ATXN7L1: variants seen among roughly 807,000 people sequenced by gnomAD.
The protein encoded by ATXN7L1 is ataxin-7-like protein 1.
ATXN7L1 carries 15 observed loss-of-function variants against 70.8 expected under a neutral mutation model. The observed-to-expected ratio is 0.21, with a 90% CI of 0.14 to 0.33. The LOEUF is 0.33. Ranked by LOEUF, ATXN7L1 falls within the 10% of genes least tolerant of loss-of-function variation. The pLI is 1.00. For synonymous variants in ATXN7L1, 440 were observed against 445.1 expected (o/e 0.99, Z 0.14); for missense variants, 975 against 1,097.1 (o/e 0.89, Z 1.57).
At chr7:105,820,093 C>T (rs1480861894) in intron 2 of ATXN7L1, 3 of 314,498 alleles carry the variant, frequency 9.5e-6, no homozygotes, top group Non-Finnish European at 1.2e-5. Context: ...CCATGGACTC[C>T]TGATCTGAGC....
At chr7:105,732,428 A>T (rs1271379636) in intron 3 of ATXN7L1, among the ~76,000 whole-genome samples, 2 of 152,190 alleles carry the variant, frequency 1.3e-5, no homozygotes, top group African/African-American at 4.8e-5. Flanking sequence ...ACCTAAGTAC[A>T]GATTACTAAT....
chr7:105,875,679 G>C (rs1037080182), intron 2 of ATXN7L1, 133 bp downstream of exon 2: 4 of 468,572 alleles, frequency 8.5e-6, no homozygotes, highest in East Asian at 9.4e-5. Flanking sequence ...TGAAGCAGTA[G>C]TCACCTGGGC....
chr7:105,869,073 C>A (rs1056251128), intron 2 of ATXN7L1, among the ~76,000 whole-genome samples: 2 of 152,180 alleles, frequency 1.3e-5, no homozygotes, highest in East Asian at 1.9e-4. Context: ...TTGTGGCATG[C>A]CCCTGCTCCA....
intron 4 of ATXN7L1, among the ~76,000 whole-genome samples, chr7:105,643,495 T>G (rs1327744724): frequency 4.6e-5 from 7 of 152,242 alleles, no homozygotes; most frequent in East Asian, 1.9e-4. Flanking sequence ...GTTTGTCCCC[T>G]GAAGACAATG....
At chr7:105,699,318 G>A (rs1473776787) in intron 3 of ATXN7L1, among the ~76,000 whole-genome samples, 2 of 151,984 alleles carry the variant, frequency 1.3e-5, no homozygotes. Context: ...TTTTAGTAGA[G>A]GCAGGATTTT....
intron 3 of ATXN7L1, among the ~76,000 whole-genome samples, chr7:105,775,175 C>T (rs189852507): frequency 3.4e-3 from 517 of 152,292 alleles, no homozygotes; most frequent in Admixed American, 4.4e-3. Context: ...ACCCAGTTTT[C>T]AGAAGCGCCT....
At chr7:105,821,335 G>A (rs1810133340) in intron 2 of ATXN7L1, among the ~76,000 whole-genome samples, 1 of 152,164 alleles carries the variant, frequency 6.6e-6, no homozygotes, top group South Asian at 2.1e-4. Context: ...CACCACGCCT[G>A]GCTGAAACCT....
intron 2 of ATXN7L1, among the ~76,000 whole-genome samples, chr7:105,801,546 A>G (rs1180351773): frequency 6.6e-6 from 1 of 152,238 alleles, no homozygotes; most frequent in Non-Finnish European, 1.5e-5. Context: ...TTAATGTGGT[A>G]ATATGGAACT....
chr7:105,780,977 G>A (rs770985956), intron 3 of ATXN7L1, among the ~76,000 whole-genome samples: 37 of 152,244 alleles, frequency 2.4e-4, no homozygotes, highest in African/African-American at 7.9e-4. Flanking sequence ...TATATTTTAC[G>A]GCAGTAGTTC....
intron 3 of ATXN7L1, among the ~76,000 whole-genome samples, chr7:105,713,168 G>A (rs947716945): frequency 7.2e-5 from 11 of 152,152 alleles, no homozygotes; most frequent in Admixed American, 2.0e-4. Flanking sequence ...TTGCTATCAC[G>A]AGAATAGCAA....
chr7:105,642,690 G>T (rs565130290), intron 5 of ATXN7L1, 148 bp downstream of exon 5: 1 of 1,011,586 alleles, frequency 9.9e-7, no homozygotes, highest in South Asian at 1.7e-5. Context: ...TGCATTTTTA[G>T]GTGGGGTTCC....
At position 105,695,817 on chromosome 7, in the gene ATXN7L1, T is replaced by C. The variant is rs544148087; in HGVS notation, c.356-30529A>G. 2.0e-5 allele frequency among the ~76,000 whole-genome samples: 3 copies of C among 152,344 alleles called. No homozygotes were observed. In the South Asian group the frequency reaches 6.2e-4, roughly 32 times the overall value. On this transcript the variant is annotated intron_variant, in intron 3 of 11. Transcript: ENST00000419735. ...CCAAATGGACACACGCACAGCTTAA[T>C]CTGGCCTGATACTACTTTTATGTGA...
intron 2 of ATXN7L1, among the ~76,000 whole-genome samples, chr7:105,844,987 C>T (rs1015484335): frequency 6.6e-6 from 1 of 151,862 alleles, no homozygotes; most frequent in Non-Finnish European, 1.5e-5. Flanking sequence ...GGAGGATCAC[C>T]TGAGGTCAGA....
chr7:105,737,528 C>CGTGTGTGT (rs71520935), intron 3 of ATXN7L1, among the ~76,000 whole-genome samples: 5,869 of 148,528 alleles, frequency 0.04, 134 homozygotes, highest in East Asian at 0.087. Context: ...CTAACGTCCC[C>CGTGTGTGT]GTGTGTGTGT....
chr7:105,698,323 C>T (rs570873640), intron 3 of ATXN7L1, among the ~76,000 whole-genome samples: 1 of 152,170 alleles, frequency 6.6e-6, no homozygotes, highest in South Asian at 2.1e-4. Flanking sequence ...GTCACAATGT[C>T]AGTTTTGCAT....
At chr7:105,613,455 A>C (rs1473062867) in intron 10 of ATXN7L1, 3 of 1,048,636 alleles carry the variant, frequency 2.9e-6, no homozygotes, top group Non-Finnish European at 3.5e-6. Flanking sequence ...GGGGGTTCCA[A>C]CAGATCAGAT....
chr7:105,811,770 G>A (rs907670543), intron 2 of ATXN7L1, among the ~76,000 whole-genome samples: 1 of 152,148 alleles, frequency 6.6e-6, no homozygotes, highest in African/African-American at 2.4e-5. Context: ...CTCTGAGTTG[G>A]AGCAGCCCAG....
At chr7:105,728,226 C>T (rs902265637) in intron 3 of ATXN7L1, among the ~76,000 whole-genome samples, 1 of 152,100 alleles carries the variant, frequency 6.6e-6, no homozygotes, top group Non-Finnish European at 1.5e-5. Context: ...AAGTGCTGAC[C>T]TAAGTAACTT....
intron 3 of ATXN7L1, among the ~76,000 whole-genome samples, chr7:105,786,829 G>A (rs1804372967): frequency 6.6e-6 from 1 of 152,136 alleles, no homozygotes; most frequent in African/African-American, 2.4e-5. Context: ...TGAAAGTTTT[G>A]ATGGCTTACA....
Sources: allele counts gnomAD v4.1 joint callset (sites outside exome capture counted in the v4.1 genomes callset), GRCh38; gene constraint gnomAD v4.1.1; transcripts MANE v1.5; gene names NCBI Gene and HGNC (gene_info 2026-07-23, HGNC 2026-07-21).